The following CHSY3 variants were observed in gnomAD, a reference collection of about 807,000 sequenced individuals.
CHSY3 encodes chondroitin sulfate synthase 3.
A neutral mutation model predicts 67.2 loss-of-function variants in CHSY3; 35 were observed. That is an observed-to-expected ratio of 0.52 (90% CI 0.40 to 0.69). The LOEUF is 0.69. CHSY3 is among the 30% of genes least tolerant of loss of function. The pLI is 0.00. For synonymous variants in CHSY3, 474 were observed against 434.7 expected (o/e 1.09, Z -1.12); for missense variants, 1,069 against 1,138.5 (o/e 0.94, Z 0.88).
rs1760167577 is a variant in CHSY3, at chr5:129,904,755, G to A, written c.-75G>A. ...GGCTGGGGGCGCAAAGGCGGAGGAG[G>A]GGCGGGTGTGAGCCGGGGAAACCGC... On this transcript the variant is annotated 5_prime_UTR_variant, in exon 1 of 3. Coordinates refer to ENST00000305031, the MANE Select transcript of CHSY3 (RefSeq NM_175856.5). 7.9e-7 allele frequency: 1 copy of A among 1,258,002 alleles called. No individual in the cohort carries two copies. The highest frequency in any genetic ancestry group is 1.0e-6 in the Non-Finnish European group (1 of 1,003,514). 77.9% of individuals were successfully genotyped at this position (1,258,002 alleles called of 1,614,324 possible).
chr5:130,143,810 G>GTATGTATATATA (rs1554085961), intron 2 of CHSY3, among the ~76,000 whole-genome samples: 15 of 56,482 alleles, frequency 2.7e-4, no homozygotes, highest in Non-Finnish European at 4.4e-4. Flanking sequence ...ATATATGTGT[G>GTATGTATATATA]TATATATATA....
chr5:130,133,941 A>G (rs1241071161), intron 2 of CHSY3, among the ~76,000 whole-genome samples: 1 of 152,066 alleles, frequency 6.6e-6, no homozygotes, highest in Non-Finnish European at 1.5e-5. Flanking sequence ...CAGTTATTTC[A>G]TAAAAACTAT....
At chr5:129,981,069 A>AAG (rs1762969713) in intron 2 of CHSY3, among the ~76,000 whole-genome samples, 1 of 119,584 alleles carries the variant, frequency 8.4e-6, no homozygotes, top group Non-Finnish European at 1.8e-5. Context: ...AAAAAAAAAA[A>AAG]AATTAGCCGG....
chr5:129,907,979 A>AT, intron 1 of CHSY3, 98 bp from the exon 2 acceptor site: 3 of 1,494,224 alleles, frequency 2.0e-6, no homozygotes, highest in Middle Eastern at 2.5e-4. Flanking sequence ...AAGACTGAGG[A>AT]TTTTAAGCAC....
At chr5:129,987,506 T>C (rs1051563561) in intron 2 of CHSY3, among the ~76,000 whole-genome samples, 2 of 152,188 alleles carry the variant, frequency 1.3e-5, no homozygotes, top group Non-Finnish European at 2.9e-5. Flanking sequence ...ATTTTGGAGA[T>C]TATCTTTTAA....
At chr5:130,079,817 T>C (rs1424332698) in intron 2 of CHSY3, among the ~76,000 whole-genome samples, 1 of 152,086 alleles carries the variant, frequency 6.6e-6, no homozygotes, top group Non-Finnish European at 1.5e-5. Context: ...TTTAATGTAC[T>C]TTTTCAATCC....
intron 2 of CHSY3, among the ~76,000 whole-genome samples, chr5:130,070,794 TA>T (rs1313742216): frequency 6.6e-6 from 1 of 152,106 alleles, no homozygotes; most frequent in African/African-American, 2.4e-5. Context: ...TTAATAATGT[TA>T]AAGCTGTTTT....
At chr5:129,992,379 C>G (rs1763394919) in intron 2 of CHSY3, among the ~76,000 whole-genome samples, 1 of 152,086 alleles carries the variant, frequency 6.6e-6, no homozygotes, top group Non-Finnish European at 1.5e-5. Context: ...TTTCTAATAA[C>G]ATTTTATTTT....
At chr5:130,081,974 C>G (rs76111631) in intron 2 of CHSY3, among the ~76,000 whole-genome samples, 1,842 of 152,174 alleles carry the variant, frequency 0.012, 36 homozygotes, top group African/African-American at 0.042. Flanking sequence ...ATTGCTTGAA[C>G]TAGAAATTTT....
intron 2 of CHSY3, among the ~76,000 whole-genome samples, chr5:130,088,120 G>C (rs1473718944): frequency 6.6e-6 from 1 of 152,106 alleles, no homozygotes; most frequent in East Asian, 1.9e-4. Flanking sequence ...AATGGGGAAA[G>C]GATTCCCTAT....
At position 129,930,508 on chromosome 5, in the gene CHSY3, C is replaced by A. The variant is rs11242014; in HGVS notation, c.1086+22148C>A. Among the ~76,000 whole-genome samples the A allele has an allele frequency of 1.6e-3, 169 of 105,322 alleles. 5 individuals carry two copies. Among genetic ancestry groups the A allele is most frequent in the South Asian group, 0.011 (31 of 2,916 alleles). The allele number at this position is 105,322 out of a possible 152,430, so 69.1% of individuals were successfully genotyped here. A position where few individuals can be genotyped will look rare whatever the true frequency, so the allele number is the denominator to read the frequency against. Reference sequence around the variant, plus strand: ...GATGTTTAAAAGGAGGCATCACTGGCGGGGGGGGGGTATGAAGTTTTGCCT... The same window carrying A: ...GATGTTTAAAAGGAGGCATCACTGGAGGGGGGGGGGTATGAAGTTTTGCCT... On this transcript the variant is annotated intron_variant, in intron 2 of 2. Coordinates refer to ENST00000305031, the MANE Select transcript of CHSY3 (RefSeq NM_175856.5).
intron 2 of CHSY3, among the ~76,000 whole-genome samples, chr5:129,915,184 G>A (rs528246474): frequency 6.6e-6 from 1 of 152,042 alleles, no homozygotes; most frequent in Non-Finnish European, 1.5e-5. Flanking sequence ...TGTTAATCAG[G>A]CATTTCAGTT....
At chr5:130,073,768 C>T (rs1323634687) in intron 2 of CHSY3, among the ~76,000 whole-genome samples, 4 of 152,122 alleles carry the variant, frequency 2.6e-5, no homozygotes, top group Non-Finnish European at 5.9e-5. Context: ...TCGTATTAAT[C>T]TATTGTATAT....
intron 2 of CHSY3, among the ~76,000 whole-genome samples, chr5:129,981,399 TTTA>T (rs1425620987): frequency 3.3e-5 from 5 of 152,082 alleles, no homozygotes; most frequent in African/African-American, 1.2e-4. Context: ...GCTATAATCA[TTTA>T]TTATTTCCAG....
intron 2 of CHSY3, among the ~76,000 whole-genome samples, chr5:130,076,146 T>C (rs1325509445): frequency 6.6e-6 from 1 of 152,144 alleles, no homozygotes; most frequent in Admixed American, 6.6e-5. Flanking sequence ...CTTGCATATA[T>C]ATTTTCCTCT....
In CHSY3 at chr5:130,169,896, T is replaced by C. The variant is rs73788429; in HGVS notation, c.1087-14333T>C. Among the ~76,000 whole-genome samples the C allele has an allele frequency of 2.2e-3, 341 of 152,254 alleles. 1 individual carries two copies. The highest frequency in any genetic ancestry group is 7.6e-3 in the African/African-American group (317 of 41,592). On this transcript the variant is annotated intron_variant, in intron 2 of 2. Transcript: ENST00000305031. ...TGACATCATACACTCATATTTCCTC[T>C]GTGGATACAATACATTCATGAATTG... is the stretch of plus-strand genomic sequence containing the variant.
chr5:130,064,905 TA>T (rs1765834151), intron 2 of CHSY3, among the ~76,000 whole-genome samples: 1 of 152,184 alleles, frequency 6.6e-6, no homozygotes, highest in African/African-American at 2.4e-5. Context: ...AGGAGCTGCC[TA>T]GGGGGAATAC....
chr5:129,982,925 C>A (rs1763063815), intron 2 of CHSY3, among the ~76,000 whole-genome samples: 2 of 151,964 alleles, frequency 1.3e-5, no homozygotes, highest in Admixed American at 1.3e-4. Context: ...CTTAGTAGTA[C>A]CTTGCATACA....
chr5:130,167,194 G>A (rs1196955275), intron 2 of CHSY3, among the ~76,000 whole-genome samples: 1 of 152,022 alleles, frequency 6.6e-6, no homozygotes, highest in Non-Finnish European at 1.5e-5. Flanking sequence ...TACCTGGAGA[G>A]TTTTTAAGTG....
Sources: allele counts gnomAD v4.1 joint callset (sites outside exome capture counted in the v4.1 genomes callset), GRCh38; gene constraint gnomAD v4.1.1; transcripts MANE v1.5; gene names NCBI Gene and HGNC (gene_info 2026-07-23, HGNC 2026-07-21).